The following ATG7 variants were observed in gnomAD, a reference collection of about 807,000 sequenced individuals.
The protein encoded by ATG7 is autophagy related 7, also known as ubiquitin-like modifier-activating enzyme ATG7.
Under a neutral mutation model 82.4 loss-of-function variants are expected in ATG7, and 70 were observed. The ratio of observed to expected loss-of-function variants is 0.85; its 90% CI spans 0.70 to 1.04. The LOEUF (loss-of-function observed/expected upper bound fraction) is 1.04, where lower values mean the gene tolerates loss of function less well. Among genes scored for constraint, ATG7 ranks in the 50% least tolerant of loss-of-function variants. The pLI is 0.00. For missense variants in ATG7, 792 were observed against 864.3 expected (o/e 0.92, Z 1.05); for synonymous variants, 287 against 313.0 (o/e 0.92, Z 0.88).
intron 19 of ATG7, among the ~76,000 whole-genome samples, chr3:11,398,385 A>G (rs2079511287): frequency 6.6e-6 from 1 of 152,230 alleles, no homozygotes; most frequent in African/African-American, 2.4e-5. Flanking sequence ...TACTGATTCC[A>G]CTGTAATTAT....
chr3:11,481,030 G>GA (rs1382113319), intron 20 of ATG7, among the ~76,000 whole-genome samples: 1 of 152,154 alleles, frequency 6.6e-6, no homozygotes, highest in Non-Finnish European at 1.5e-5. Context: ...TTCAGTTGTG[G>GA]AAAAAATGTA....
Position 11,347,971 on chromosome 3 carries a change from T to A in ATG7, c.1220T>A (p.Leu407Gln). The change falls in exon 14 of 21, where the codon CTA becomes CAA. Residue 407 changes from leucine (L) to glutamine (Q), a missense_variant. Physicochemically the swap from Leu to Gln is moderately radical, Grantham distance 113. Coordinates refer to ENST00000693202, the MANE Select transcript of ATG7 (RefSeq NM_001349232.2). The stretch of plus-strand genomic sequence containing the variant: ...CCTCTCTATGAGTTTGAAGATTGCC[T>A]AGGGGGTGGTAAGCCCAAGGCTCTG... ...RQPLYEFEDC[L>Q]GGGKPKALAA... The A allele has an allele frequency of 6.2e-7, 1 of 1,614,130 alleles. No homozygotes were observed. Among genetic ancestry groups the A allele is most frequent in the Non-Finnish European group, 8.5e-7 (1 of 1,179,980 alleles).
Position 11,499,520 on chromosome 3 carries a change from C to T in ATG7, c.2080-55291C>T, listed in dbSNP as rs554950026. 1.7e-4 allele frequency among the ~76,000 whole-genome samples: 26 copies of T among 152,070 alleles called. No homozygotes were observed. In the South Asian group the frequency reaches 3.7e-3, roughly 22 times the overall value. On this transcript the variant is annotated intron_variant, in intron 20 of 20. Coordinates refer to ENST00000693202, the MANE Select transcript of ATG7 (RefSeq NM_001349232.2). Reference sequence around the variant, plus strand: ...CAGCACTTTGGGAGGCCGAGGAGGGCGGATCACCTGAGGTCAGGAGTTCGA... The same window carrying T: ...CAGCACTTTGGGAGGCCGAGGAGGGTGGATCACCTGAGGTCAGGAGTTCGA...
chr3:11,396,448 A>C (rs1190460424), intron 19 of ATG7, among the ~76,000 whole-genome samples: 1 of 152,202 alleles, frequency 6.6e-6, no homozygotes, highest in African/African-American at 2.4e-5. Context: ...AAAGAAAAAA[A>C]AATGTGGGTA....
chr3:11,420,298 T>C (rs1303117638), intron 19 of ATG7, among the ~76,000 whole-genome samples: 1 of 152,218 alleles, frequency 6.6e-6, no homozygotes, highest in African/African-American at 2.4e-5. Flanking sequence ...GTGCTATTAA[T>C]AATGTTCCAG....
intron 20 of ATG7, among the ~76,000 whole-genome samples, chr3:11,468,876 A>G (rs2153010448): frequency 6.6e-6 from 1 of 152,278 alleles, no homozygotes; most frequent in South Asian, 2.1e-4. Flanking sequence ...GAGTGGACCT[A>G]ATGTATTTTT....
rs1028800576 is a variant in ATG7, at chr3:11,344,340, CT to C, written c.1125+2062del. 1.2e-4 allele frequency among the ~76,000 whole-genome samples: 18 copies of C among 152,204 alleles called. 1 individual carries two copies. Among genetic ancestry groups the C allele is most frequent in the Admixed American group, 3.9e-4 (6 of 15,286 alleles). On this transcript the variant is annotated intron_variant, in intron 13 of 20. Transcript: ENST00000693202. The stretch of plus-strand genomic sequence containing the variant: ...TTATTGCTGACTTTAATGAGAGTGC[CT>C]CTTGTTTTTATCTTTAATTTTGATG...
intron 20 of ATG7, among the ~76,000 whole-genome samples, chr3:11,485,935 G>C (rs1480374874): frequency 6.6e-6 from 1 of 152,086 alleles, no homozygotes; most frequent in Admixed American, 6.5e-5. Context: ...TGCTGTTTTG[G>C]TTACTGTAGC....
At chr3:11,553,074 A>T (rs927801245) in intron 20 of ATG7, among the ~76,000 whole-genome samples, 4 of 152,128 alleles carry the variant, frequency 2.6e-5, no homozygotes, top group South Asian at 4.1e-4. Context: ...GCTGGGCAGG[A>T]GGTCCCGGAG....
chr3:11,516,046 AC>A (rs371329929), intron 20 of ATG7, among the ~76,000 whole-genome samples: 126 of 150,558 alleles, frequency 8.4e-4, no homozygotes, highest in African/African-American at 2.6e-3. Context: ...AAAAAAAAAA[AC>A]AAAAAAACAT....
chr3:11,434,347 T>A (rs2083179593), intron 20 of ATG7, among the ~76,000 whole-genome samples: 1 of 152,176 alleles, frequency 6.6e-6, no homozygotes, highest in South Asian at 2.1e-4. Flanking sequence ...TGGAGAGAAA[T>A]CGCTCTGGGG....
At chr3:11,534,481 T>C (rs1266287380) in intron 20 of ATG7, among the ~76,000 whole-genome samples, 2 of 152,192 alleles carry the variant, frequency 1.3e-5, no homozygotes, top group African/African-American at 4.8e-5. Flanking sequence ...GACATGCTCA[T>C]GGAGGAGAGG....
At chr3:11,532,061 T>TTCCTCCTCTCCCCTCC (rs1406765353) in intron 20 of ATG7, among the ~76,000 whole-genome samples, 1 of 152,030 alleles carries the variant, frequency 6.6e-6, no homozygotes, top group Non-Finnish European at 1.5e-5. Flanking sequence ...CCTCCTCCTC[T>TTCCTCCTCTCCCCTCC]TCCTCCTCTC....
chr3:11,401,407 A>G (rs1381832581), intron 19 of ATG7, among the ~76,000 whole-genome samples: 3 of 152,232 alleles, frequency 2.0e-5, no homozygotes, highest in Non-Finnish European at 2.9e-5. Flanking sequence ...GTGTTGGTTT[A>G]AAAAGATGAC....
intron 20 of ATG7, among the ~76,000 whole-genome samples, chr3:11,493,943 G>A (rs904475): frequency 0.54 from 81,743 of 151,982 alleles, 22,689 homozygotes; most frequent in East Asian, 0.66. Context: ...ACTGGAAACT[G>A]TGTTATAAGA....
At chr3:11,460,049 G>A (rs1348993317) in intron 20 of ATG7, among the ~76,000 whole-genome samples, 2 of 152,172 alleles carry the variant, frequency 1.3e-5, no homozygotes, top group Non-Finnish European at 2.9e-5. Flanking sequence ...TCCCAACTCT[G>A]GGTGATCTCA....
chr3:11,355,041 A>G (rs2075838821), intron 14 of ATG7, among the ~76,000 whole-genome samples: 1 of 152,246 alleles, frequency 6.6e-6, no homozygotes. Flanking sequence ...TGCAGGACGT[A>G]GTACCAGAAA....
chr3:11,414,914 G>A (rs1232155116), intron 19 of ATG7, among the ~76,000 whole-genome samples: 1 of 152,178 alleles, frequency 6.6e-6, no homozygotes, highest in Non-Finnish European at 1.5e-5. Context: ...ACATGATCGT[G>A]GCATATAATT....
chr3:11,565,196 T>C, the ATG7 span, among the ~76,000 whole-genome samples: 1 of 152,090 alleles, frequency 6.6e-6, no homozygotes, highest in Non-Finnish European at 1.5e-5. The surrounding 1 kb of genome is among the most constrained non-coding windows in gnomAD (Gnocchi z 4.1). Context: ...CACCAAAGCC[T>C]CTGGGTGCCG....
Sources: gnomAD v4.1 joint callset for allele counts (sites outside exome capture counted in the v4.1 genomes callset) on GRCh38, gnomAD v4.1.1 for gene constraint, Gnocchi (gnomAD v3.1) non-coding constraint, MANE v1.5 for transcripts, NCBI Gene and HGNC (gene_info 2026-07-23, HGNC 2026-07-21) for gene names.